The following TSPEAR variants were observed in gnomAD, a reference collection of about 807,000 sequenced individuals.
TSPEAR encodes the protein thrombospondin type laminin G domain and EAR repeats, also known as thrombospondin-type laminin G domain and EAR repeat-containing protein.
A neutral mutation model predicts 71.6 loss-of-function variants in TSPEAR; 69 were observed. That is an observed-to-expected ratio of 0.96 (90% CI 0.79 to 1.18). TSPEAR has a LOEUF of 1.18. Among genes scored for constraint, TSPEAR ranks in the 50% most tolerant of loss-of-function variants. The probability of loss-of-function intolerance (pLI) is 0.00; values close to 1 mark genes in which losing one functional copy is unlikely to be tolerated. For synonymous variants in TSPEAR, 402 were observed against 387.2 expected (o/e 1.04, Z -0.45); for missense variants, 971 against 894.9 (o/e 1.09, Z -1.09).
At chr21:44,600,948 C>T (rs782768973) in intron 1 of TSPEAR, 13 of 1,612,344 alleles carry the variant, frequency 8.1e-6, no homozygotes, top group African/African-American at 4.1e-5. Context: ...AGCAGGCCTG[C>T]TGCGTGCCCG....
At chr21:44,615,337 A>G (rs1982009686) in intron 1 of TSPEAR, among the ~76,000 whole-genome samples, 1 of 152,230 alleles carries the variant, frequency 6.6e-6, no homozygotes, top group African/African-American at 2.4e-5. Context: ...TGCGGAAGAG[A>G]GTCCAGGCCG....
At position 44,711,539 on chromosome 21, in the gene TSPEAR, T is replaced by C; in HGVS notation, c.-25A>G. 3 of 1,601,598 alleles carry C rather than the reference T, an allele frequency of 1.9e-6. No homozygotes were observed. The highest frequency in any genetic ancestry group is 2.6e-6 in the Non-Finnish European group (3 of 1,174,192). On this transcript the variant is annotated 5_prime_UTR_variant, in exon 1 of 12. It removes an upstream start codon present in the reference 5' UTR. Transcript: ENST00000323084. This position sits in a 1 kb window ranked among gnomAD's most constrained non-coding sequence, Gnocchi z 4.5. ...TGAGGGGCTTGGGTGCCAAGCTCCATCCAGGGCTCCGCTCAGCCTGCAGGG... is the reference window on the plus strand; with the variant it reads ...TGAGGGGCTTGGGTGCCAAGCTCCACCCAGGGCTCCGCTCAGCCTGCAGGG...
chr21:44,658,054 T>G (rs1237650737), intron 1 of TSPEAR: 15 of 1,613,798 alleles, frequency 9.3e-6, no homozygotes, highest in Non-Finnish European at 1.3e-5. Context: ...CATCCTGCTA[T>G]GTGCCCGTGA....
At chr21:44,583,415 G>T (rs1478045754) in intron 1 of TSPEAR, among the ~76,000 whole-genome samples, 2 of 152,262 alleles carry the variant, frequency 1.3e-5, no homozygotes, top group African/African-American at 4.8e-5. Flanking sequence ...CTCTGGTCTT[G>T]TTTCCAAAGT....
chr21:44,627,285 C>A, intron 1 of TSPEAR: 1 of 1,612,572 alleles, frequency 6.2e-7, no homozygotes. Context: ...GCTGCTGCGC[C>A]CCGGCCCCCT....
rs181492243 is a variant in TSPEAR at position 44,642,420 on chromosome 21, C to T, written c.82+69013G>A. ...CTGATGCCAAAACCAGGAATAACAGCGAGAGAGATAGGACTGTAGACCAAC... is the reference window on the plus strand; with the variant it reads ...CTGATGCCAAAACCAGGAATAACAGTGAGAGAGATAGGACTGTAGACCAAC... On this transcript the variant is annotated intron_variant, in intron 1 of 11. Transcript: ENST00000323084. This position sits in a 1 kb window ranked among gnomAD's most constrained non-coding sequence, Gnocchi z 4.1. Among the ~76,000 whole-genome samples the T allele has an allele frequency of 2.2e-3, 327 of 151,950 alleles. 2 individuals carry two copies. Among genetic ancestry groups the T allele is most frequent in the Middle Eastern group, 0.017 (5 of 294 alleles).
chr21:44,681,922 G>A, intron 1 of TSPEAR: 1 of 1,614,048 alleles, frequency 6.2e-7, no homozygotes, highest in South Asian at 1.1e-5. Context: ...TGGCAGGAGG[G>A]AGCCGCATAC....
chr21:44,634,232 G>T (rs1418830154), intron 1 of TSPEAR, among the ~76,000 whole-genome samples: 1 of 152,132 alleles, frequency 6.6e-6, no homozygotes, highest in Non-Finnish European at 1.5e-5. Flanking sequence ...CTGGGCAACA[G>T]GCTGAGCAAT....
At chr21:44,573,232 A>G (rs1978290497) in intron 1 of TSPEAR, among the ~76,000 whole-genome samples, 2 of 152,176 alleles carry the variant, frequency 1.3e-5, no homozygotes, top group African/African-American at 4.8e-5. Flanking sequence ...TCACAGAGGC[A>G]CATGATCTTG....
intron 1 of TSPEAR, among the ~76,000 whole-genome samples, chr21:44,603,449 C>T (rs1286140414): frequency 6.6e-6 from 1 of 152,186 alleles, no homozygotes; most frequent in Non-Finnish European, 1.5e-5. Context: ...GGGCCTTGCT[C>T]AGAGAAGCAC....
In TSPEAR at chr21:44,690,436, G is replaced by A. The variant is rs1028210876; in HGVS notation, c.82+20997C>T. The A allele has an allele frequency of 3.0e-5, 16 of 534,312 alleles. No individual in the cohort carries two copies. In the African/African-American group the frequency reaches 3.3e-4, roughly 11 times the overall value. 33.1% of individuals were successfully genotyped at this position (534,312 alleles called of 1,614,324 possible). On this transcript the variant is annotated intron_variant, in intron 1 of 11. Coordinates refer to ENST00000323084, the MANE Select transcript of TSPEAR (RefSeq NM_144991.3). ...TCAAAGATAACAAGTGGTTCCCATG[G>A]GCTTCCAGAAAATCAAACAAACAAA...
chr21:44,683,803 A>T lies in TSPEAR; in HGVS notation c.82+27630T>A, dbSNP rs1986732437. ...CAGCTATTATAGACATCTTCCAAAA[A>T]ATCCAAGAAAACTGTTCAAATAATT... On this transcript the variant is annotated intron_variant, in intron 1 of 11. Coordinates refer to ENST00000323084, the MANE Select transcript of TSPEAR (RefSeq NM_144991.3). Among the ~76,000 whole-genome samples the T allele has an allele frequency of 2.0e-5, 3 of 152,254 alleles. No homozygotes were observed. In the South Asian group the frequency reaches 6.2e-4, roughly 32 times the overall value.
intron 2 of TSPEAR, chr21:44,557,880 G>C: frequency 1.3e-6 from 1 of 772,942 alleles, no homozygotes; most frequent in Non-Finnish European, 2.1e-6. Flanking sequence ...ATGGAGATGA[G>C]GGTGTGGGAG....
chr21:44,502,129 C>G (rs587742814), intron 11 of TSPEAR, among the ~76,000 whole-genome samples: 1 of 152,236 alleles, frequency 6.6e-6, no homozygotes, highest in African/African-American at 2.4e-5. Flanking sequence ...ATGACATCAA[C>G]AGTAAACATA....
chr21:44,686,874 C>T (rs553975504), intron 1 of TSPEAR, among the ~76,000 whole-genome samples: 60 of 152,294 alleles, frequency 3.9e-4, no homozygotes, highest in African/African-American at 1.3e-3. Flanking sequence ...AGCTGTTTCT[C>T]GTTGTCCTTT....
At position 44,504,854 on chromosome 21, in the gene TSPEAR, C is replaced by T; in HGVS notation, c.1782G>A (p.Val594=). ...CSALDWEFFS[V]GEDYFLVVAN... ...CCACCACCAGGAAATAATCTTCTCC[C>T]ACCGAGAAAAACTCCCAGTCCAGAG... Residue 594 remains valine (V), a synonymous_variant, in exon 11 of 12, where the codon GTG becomes GTA. Transcript: ENST00000323084. 1 of 1,613,856 alleles carries T rather than the reference C, an allele frequency of 6.2e-7. No homozygotes were observed. The highest frequency in any genetic ancestry group is 2.2e-5 in the East Asian group (1 of 44,872).
intron 2 of TSPEAR, among the ~76,000 whole-genome samples, chr21:44,542,954 A>T (rs1391281109): frequency 6.6e-6 from 1 of 152,172 alleles, no homozygotes; most frequent in Admixed American, 6.5e-5. Context: ...ATGACTTCTC[A>T]GTAGAAATGA....
At chr21:44,701,945 T>C (rs146584594) in intron 1 of TSPEAR, among the ~76,000 whole-genome samples, 1 of 152,146 alleles carries the variant, frequency 6.6e-6, no homozygotes, top group Non-Finnish European at 1.5e-5. Context: ...CCTTCCACAC[T>C]CCAGCATCTC....
intron 1 of TSPEAR, among the ~76,000 whole-genome samples, chr21:44,700,029 G>A (rs1167684441): frequency 2.0e-5 from 3 of 152,180 alleles, no homozygotes; most frequent in Non-Finnish European, 2.9e-5. Flanking sequence ...ACAGCTCTGG[G>A]CCAGCAGGGC....
Sources: allele counts gnomAD v4.1 joint callset (sites outside exome capture counted in the v4.1 genomes callset), GRCh38; gene constraint gnomAD v4.1.1; non-coding constraint Gnocchi (gnomAD v3.1); transcripts MANE v1.5; gene names NCBI Gene and HGNC (gene_info 2026-07-23, HGNC 2026-07-21).